LHPP: variants seen among roughly 807,000 people sequenced by gnomAD.
LHPP encodes hLHPP.
A neutral mutation model predicts 30.3 loss-of-function variants in LHPP; 24 were observed. The observed-to-expected ratio is 0.79, with a 90% CI of 0.57 to 1.11. The LOEUF (loss-of-function observed/expected upper bound fraction) is 1.11, where lower values mean the gene tolerates loss of function less well. Ranked by LOEUF, LHPP falls within the 50% of genes most tolerant of loss-of-function variation. LHPP has a pLI of 0.00. For synonymous variants in LHPP, 150 were observed against 157.1 expected (o/e 0.95, Z 0.34); for missense variants, 356 against 367.2 (o/e 0.97, Z 0.25).
In LHPP at chr10:124,478,243, G is replaced by A. The variant is rs1435560698; in HGVS notation, c.126-5896G>A. Among the ~76,000 whole-genome samples the A allele has an allele frequency of 6.6e-6, 1 of 152,208 alleles. No individual in the cohort carries two copies. The highest frequency in any genetic ancestry group is 2.4e-5 in the African/African-American group (1 of 41,462). On this transcript the variant is annotated intron_variant, in intron 1 of 6. Transcript: ENST00000368842. This position sits in a 1 kb window ranked among gnomAD's most constrained non-coding sequence, Gnocchi z 4.7. ...GTGCATGGCTGTGGGGCCTCCAGGA[G>A]GAAGAGGTGTATGAACCCTGCTTTG...
intron 1 of LHPP, among the ~76,000 whole-genome samples, chr10:124,475,815 C>G (rs966280553): frequency 6.6e-6 from 1 of 152,128 alleles, no homozygotes; most frequent in Admixed American, 6.5e-5. Context: ...AAGAAAGGAG[C>G]CAGGATCCCC....
intron 6 of LHPP, among the ~76,000 whole-genome samples, chr10:124,550,744 G>A (rs1477077240): frequency 6.6e-6 from 1 of 152,240 alleles, no homozygotes; most frequent in African/African-American, 2.4e-5. Flanking sequence ...CCGGAAAGGA[G>A]GCTCTGGAAT....
At chr10:124,594,813 GTA>G (rs1476593756) in intron 6 of LHPP, among the ~76,000 whole-genome samples, 1 of 151,948 alleles carries the variant, frequency 6.6e-6, no homozygotes, top group Non-Finnish European at 1.5e-5. Context: ...GTATTTTTTA[GTA>G]GAGAGGGGTT....
rs140551242 is a variant in LHPP at position 124,567,378 on chromosome 10, C to T, written c.717-45886C>T. On this transcript the variant is annotated intron_variant, in intron 6 of 6. Coordinates refer to ENST00000368842, the MANE Select transcript of LHPP (RefSeq NM_022126.4). ...CTGCGGGCATCATATCCCGCTCAGC[C>T]GCTGCCTGCCCTCCACGCGCCCCTG... is the stretch of plus-strand genomic sequence containing the variant. Among the ~76,000 whole-genome samples the T allele has an allele frequency of 1.3e-3, 200 of 152,358 alleles. 1 individual carries two copies. The highest frequency in any genetic ancestry group is 4.3e-3 in the African/African-American group (178 of 41,598).
At chr10:124,536,623 T>C (rs559652040) in intron 6 of LHPP, among the ~76,000 whole-genome samples, 51 of 152,204 alleles carry the variant, frequency 3.4e-4, no homozygotes, top group Admixed American at 1.3e-3. Flanking sequence ...GCCAGAGGGC[T>C]GGGGGATGTC....
intron 6 of LHPP, among the ~76,000 whole-genome samples, chr10:124,595,459 G>T (rs747792897): frequency 4.6e-5 from 7 of 152,260 alleles, no homozygotes; most frequent in Non-Finnish European, 1.0e-4. Flanking sequence ...AGCCTTGGCT[G>T]CCATAGAAGG....
chr10:124,468,467 G>A (rs892819553), intron 1 of LHPP, among the ~76,000 whole-genome samples: 1 of 152,196 alleles, frequency 6.6e-6, no homozygotes. Context: ...GGGAGGTTTT[G>A]TTATTGTGCT....
At chr10:124,468,933 T>C (rs1952642365) in intron 1 of LHPP, among the ~76,000 whole-genome samples, 2 of 152,210 alleles carry the variant, frequency 1.3e-5, no homozygotes, top group Admixed American at 6.5e-5. Flanking sequence ...TGTGCCTGCT[T>C]TTGGAATTTT....
At chr10:124,534,536 G>C (rs991568023) in intron 6 of LHPP, among the ~76,000 whole-genome samples, 1 of 152,220 alleles carries the variant, frequency 6.6e-6, no homozygotes, top group East Asian at 1.9e-4. Context: ...TCAGACCCAC[G>C]ACCTAACCAT....
At chr10:124,609,141 C>T (rs1349112748) in intron 6 of LHPP, among the ~76,000 whole-genome samples, 1 of 152,248 alleles carries the variant, frequency 6.6e-6, no homozygotes, top group Non-Finnish European at 1.5e-5. Flanking sequence ...TTTGGTCTCT[C>T]TTGCATATTA....
rs549690341 is a variant in LHPP, at chr10:124,612,242, C to T, written c.717-1022C>T. ...AACATGGCGAAACCCTATCTCTACACTAAAAAATACAAAAAAAGCCGGGCG... is the reference window on the plus strand; with the variant it reads ...AACATGGCGAAACCCTATCTCTACATTAAAAAATACAAAAAAAGCCGGGCG... On this transcript the variant is annotated intron_variant, in intron 6 of 6. Transcript: ENST00000368842. Among the ~76,000 whole-genome samples the T allele has an allele frequency of 1.9e-3, 291 of 152,102 alleles. 1 individual carries two copies. The highest frequency in any genetic ancestry group is 3.5e-3 in the Admixed American group (54 of 15,262).
chr10:124,574,755 C>T (rs1264505883), intron 6 of LHPP, among the ~76,000 whole-genome samples: 5 of 152,048 alleles, frequency 3.3e-5, no homozygotes, highest in East Asian at 1.9e-4. Context: ...AGGGCATGGT[C>T]GGAGGTCCAG....
intron 2 of LHPP, 133 bp downstream of exon 2, chr10:124,484,459 G>C: frequency 1.2e-6 from 1 of 859,348 alleles, no homozygotes; most frequent in Non-Finnish European, 1.8e-6. Flanking sequence ...TGGGTTGGGG[G>C]TAAAAACCTC....
chr10:124,604,624 T>A (rs1209440609), intron 6 of LHPP, among the ~76,000 whole-genome samples: 1 of 152,114 alleles, frequency 6.6e-6, no homozygotes, highest in Non-Finnish European at 1.5e-5. Flanking sequence ...GGGGTTCTGA[T>A]GGAAGGATGC....
In LHPP at chr10:124,488,495, C is replaced by T; in HGVS notation, c.387C>T (p.Ser129=). ...NCVVIADAGE[S]FSYQNMNNAF... is the part of the protein sequence containing the mutation. ...TGGTAATTGCAGACGCAGGAGAAAG[C>T]TTTTCTTATCAAAACATGAATAACG... The change falls in exon 3 of 7, where the codon AGC becomes AGT. Residue 129 remains serine (S), a synonymous_variant. Coordinates refer to ENST00000368842, the MANE Select transcript of LHPP (RefSeq NM_022126.4). The T allele has an allele frequency of 1.2e-6, 2 of 1,613,964 alleles. No homozygotes were observed. The highest frequency in any genetic ancestry group is 1.7e-6 in the Non-Finnish European group (2 of 1,179,958).
At position 124,484,142 on chromosome 10, in the gene LHPP, G is replaced by A. The variant is rs755876349; in HGVS notation, c.129G>A (p.Leu43=). The change falls in exon 2 of 7, where the codon CTG becomes CTA. Residue 43 remains leucine, a synonymous_variant. Transcript: ENST00000368842. ...GCCTGTGTCTCCCCTGCCGCAGACT[G>A]AAGCGTTCCCGGCTGAAGGTGAGGT... ...IAGSVEAVAR[L]KRSRLKVRFC... The A allele has an allele frequency of 8.1e-6, 13 of 1,613,644 alleles. No homozygotes were observed. The highest frequency in any genetic ancestry group is 1.3e-5 in the African/African-American group (1 of 74,932).
chr10:124,605,324 G>C (rs988178346), intron 6 of LHPP: 1 of 95,610 alleles, frequency 1.0e-5, no homozygotes, highest in Non-Finnish European at 2.7e-5. Context: ...CAGGCCTGTG[G>C]GGGGGACCAC....
rs191338371 is a variant in LHPP, at chr10:124,466,842, A to G, written c.125+4855A>G. Among the ~76,000 whole-genome samples, 1,191 of 152,220 alleles carry G rather than the reference A, an allele frequency of 7.8e-3. 15 individuals are homozygous for G. Among genetic ancestry groups the G allele is most frequent in the African/African-American group, 0.026 (1,095 of 41,534 alleles). ...ATTCAAATATTAAATTGAATATTAAAATTCAAAATATTAACGTCTGGGCAC... is the reference window on the plus strand; with the variant it reads ...ATTCAAATATTAAATTGAATATTAAGATTCAAAATATTAACGTCTGGGCAC... On this transcript the variant is annotated intron_variant, in intron 1 of 6. Transcript: ENST00000368842.
At chr10:124,570,164 C>T (rs1466921883) in intron 6 of LHPP, among the ~76,000 whole-genome samples, 3 of 152,234 alleles carry the variant, frequency 2.0e-5, no homozygotes, top group African/African-American at 7.2e-5. Context: ...CAGGATTACT[C>T]TTAGGAGGGA....
Sources: gnomAD v4.1 joint callset for allele counts (sites outside exome capture counted in the v4.1 genomes callset) on GRCh38, gnomAD v4.1.1 for gene constraint, Gnocchi (gnomAD v3.1) non-coding constraint, MANE v1.5 for transcripts, NCBI Gene and HGNC (gene_info 2026-07-23, HGNC 2026-07-21) for gene names.